Variants in FANCC observed in about 807,000 individuals in gnomAD.
FANCC encodes Fanconi anemia group C protein.
Under a neutral mutation model 71.3 loss-of-function variants are expected in FANCC, and 55 were observed. That is an observed-to-expected ratio of 0.77 (90% CI 0.62 to 0.97). The LOEUF (loss-of-function observed/expected upper bound fraction) is 0.97, where lower values mean the gene tolerates loss of function less well. Among genes scored for constraint, FANCC ranks in the 50% least tolerant of loss-of-function variants. The probability of loss-of-function intolerance (pLI) is 0.00; values close to 1 mark genes in which losing one functional copy is unlikely to be tolerated. For missense variants in FANCC, 678 were observed against 670.9 expected, an observed-to-expected ratio of 1.01 and a Z score of -0.12; for synonymous variants, 275 against 244.9, an observed-to-expected ratio of 1.12 and a Z score of -1.15.
At chr9:95,205,474 T>C (rs951264663) in intron 4 of FANCC, among the ~76,000 whole-genome samples, 1 of 151,816 alleles carries the variant, frequency 6.6e-6, no homozygotes. Context: ...CTTAAGGAAA[T>C]CCCTAGGGAA....
rs1321288017 is a variant in FANCC at position 95,101,511 on chromosome 9, G to A, written c.*196C>T. The A allele has an allele frequency of 1.5e-6, 1 of 667,246 alleles. No homozygotes were observed. The highest frequency in any genetic ancestry group is 2.6e-6 in the Non-Finnish European group (1 of 387,744). The allele number at this position is 667,246 out of a possible 1,614,324, so 41.3% of individuals were successfully genotyped here. On this transcript the variant is annotated 3_prime_UTR_variant, in exon 15 of 15. Coordinates refer to ENST00000289081, the MANE Select transcript of FANCC (RefSeq NM_000136.3). Reference sequence around the variant, plus strand: ...GAGTCATTAGTGAACATGTCTGACTGAGTCTGGGCTGAGGGACCTGGCTCT... The same window carrying A: ...GAGTCATTAGTGAACATGTCTGACTAAGTCTGGGCTGAGGGACCTGGCTCT...
rs1057516919 is a variant in FANCC at position 95,114,678 on chromosome 9, TCA to T, written c.1103_1104del (p.Leu368GlnfsTer5). The T allele has an allele frequency of 1.9e-6, 3 of 1,614,184 alleles. No homozygotes were observed. Among genetic ancestry groups the T allele is most frequent in the Non-Finnish European group, 8.5e-7 (1 of 1,179,994 alleles). ...DIPRGHWLQT[L>X]KHISELLREA... is the part of the protein sequence containing the mutation. ...TCTCTGAGCAGTTCAGAAATATGCTTCAGTGTCTGGAGCCAGTGTCCCCGAGG... is the reference window on the plus strand; with the variant it reads ...TCTCTGAGCAGTTCAGAAATATGCTTGTGTCTGGAGCCAGTGTCCCCGAGG... On this transcript the variant is annotated frameshift_variant, in exon 12 of 15. Coordinates refer to ENST00000289081, the MANE Select transcript of FANCC (RefSeq NM_000136.3). LOFTEE classifies it high-confidence loss of function.
At chr9:95,268,258 C>T (rs952222031) in intron 1 of FANCC, among the ~76,000 whole-genome samples, 11 of 152,164 alleles carry the variant, frequency 7.2e-5, no homozygotes, top group African/African-American at 2.7e-4. Context: ...TCTTCTTTGC[C>T]CACCACACTT....
Position 95,101,281 on chromosome 9 carries a change from T to G in FANCC, c.*426A>C. The G allele has an allele frequency of 3.3e-6, 1 of 306,926 alleles. No homozygotes were observed. Among genetic ancestry groups the G allele is most frequent in the Non-Finnish European group, 6.2e-6 (1 of 162,056 alleles). The allele number at this position is 306,926 out of a possible 1,614,324, so 19.0% of individuals were successfully genotyped here. A position where few individuals can be genotyped will look rare whatever the true frequency, so the allele number is the denominator to read the frequency against. On this transcript the variant is annotated 3_prime_UTR_variant, in exon 15 of 15. Transcript: ENST00000289081. ...CCAGATCCCTGACTCCTAAAAAGAG[T>G]CTAAAAAGAGCTAAGTTCTCTCTAA...
chr9:95,126,349 A>AT (rs1445153054), intron 9 of FANCC, among the ~76,000 whole-genome samples, 180 bp downstream of exon 9: 7 of 152,218 alleles, frequency 4.6e-5, no homozygotes, highest in African/African-American at 1.7e-4. Flanking sequence ...TGGCCTTTAA[A>AT]TTTACACTGA....
intron 4 of FANCC, among the ~76,000 whole-genome samples, chr9:95,184,517 G>A (rs1055162034): frequency 7.2e-5 from 11 of 152,000 alleles, no homozygotes; most frequent in African/African-American, 1.9e-4. Flanking sequence ...AAGAAGATTC[G>A]TGTTACAAAA....
chr9:95,273,758 G>C (rs1010921588), intron 1 of FANCC, among the ~76,000 whole-genome samples: 2 of 152,184 alleles, frequency 1.3e-5, no homozygotes, highest in Admixed American at 1.3e-4. Context: ...GATGTGATTG[G>C]CTCAATCCAG....
intron 4 of FANCC, among the ~76,000 whole-genome samples, chr9:95,183,104 C>G (rs1826479416): frequency 6.6e-6 from 1 of 152,160 alleles, no homozygotes; most frequent in Non-Finnish European, 1.5e-5. Context: ...ACCTCCAGAC[C>G]TTTTCCTTCT....
intron 8 of FANCC, among the ~76,000 whole-genome samples, chr9:95,131,196 C>T (rs1016966748): frequency 2.6e-5 from 4 of 152,130 alleles, no homozygotes; most frequent in Non-Finnish European, 4.4e-5. Flanking sequence ...TGTACTTTTG[C>T]GTCTTAAATT....
rs1298585280 is a variant in FANCC, at chr9:95,179,266, ACT to A, written c.346-7121_346-7120del. Among the ~76,000 whole-genome samples the A allele has an allele frequency of 3.9e-5, 6 of 152,244 alleles. No homozygotes were observed. The East Asian group carries it at 1.2e-3, about 29-fold the overall frequency. ...AATCTGTACTTTGTTAGAAATACAAACTCTCAGACAAAACCCTGACCTATTTT... is the reference window on the plus strand; with the variant it reads ...AATCTGTACTTTGTTAGAAATACAAACTCAGACAAAACCCTGACCTATTTT... On this transcript the variant is annotated intron_variant, in intron 4 of 14. Coordinates refer to ENST00000289081, the MANE Select transcript of FANCC (RefSeq NM_000136.3).
At chr9:95,277,986 C>A (rs931418547) in intron 1 of FANCC, among the ~76,000 whole-genome samples, 3 of 152,110 alleles carry the variant, frequency 2.0e-5, no homozygotes, top group Non-Finnish European at 2.9e-5. Context: ...CACATTTTTT[C>A]TCTCTTATTC....
intron 3 of FANCC, among the ~76,000 whole-genome samples, chr9:95,246,472 ATGCAATTAGTC>A (rs1279719614): frequency 6.6e-6 from 1 of 152,250 alleles, no homozygotes; most frequent in Non-Finnish European, 1.5e-5. Flanking sequence ...TCATTATATT[ATGCAATTAGTC>A]TTTGACTTTA....
chr9:95,117,723 A>AT (rs33935721), intron 10 of FANCC, among the ~76,000 whole-genome samples: 60,927 of 136,752 alleles, frequency 0.45, 13,600 homozygotes, highest in East Asian at 0.53. Context: ...GTATTTCAGC[A>AT]TTTTTTTTTT....
rs1007431749 is a variant in FANCC, at chr9:95,182,117, G to A, written c.346-9970C>T. Among the ~76,000 whole-genome samples the A allele has an allele frequency of 4.0e-5, 6 of 151,858 alleles. No individual in the cohort carries two copies. In the East Asian group the frequency reaches 5.8e-4, roughly 15 times the overall value. On this transcript the variant is annotated intron_variant, in intron 4 of 14. Transcript: ENST00000289081. The stretch of plus-strand genomic sequence containing the variant: ...GTATTCTCAAACTAAGACAGAGCAC[G>A]TATATTATGCTTCTCTAAACAATTT...
chr9:95,264,687 C>A (rs986859601), intron 1 of FANCC, among the ~76,000 whole-genome samples: 1 of 151,978 alleles, frequency 6.6e-6, no homozygotes, highest in Admixed American at 6.6e-5. Flanking sequence ...GGAGAGAATG[C>A]TACAAAACAC....
At chr9:95,191,212 T>C (rs989503273) in intron 4 of FANCC, among the ~76,000 whole-genome samples, 19 of 151,898 alleles carry the variant, frequency 1.3e-4, no homozygotes, top group African/African-American at 4.6e-4. Context: ...TCTGGGCAGG[T>C]CAACAGAAGA....
rs56134011 is a variant in FANCC, at chr9:95,168,743, C to T, written c.521+2336G>A. On this transcript the variant is annotated intron_variant, in intron 6 of 14. Transcript: ENST00000289081. ...GCGGTTTTGACATGTTGGCCAGGCT[C>T]GTCTTGAACTCCTGAAATCGGGTGA... 3.8e-3 allele frequency among the ~76,000 whole-genome samples: 573 copies of T among 152,234 alleles called. 1 individual carries two copies. The highest frequency in any genetic ancestry group is 0.013 in the African/African-American group (554 of 41,542).
intron 1 of FANCC, chr9:95,294,743 T>TG (rs1157922281): frequency 1.2e-6 from 2 of 1,601,028 alleles, no homozygotes; most frequent in Non-Finnish European, 1.7e-6. Context: ...TGGAACATGA[T>TG]GGAGTCTCAG....
At chr9:95,302,445 T>C (rs1363381570) in intron 1 of FANCC, among the ~76,000 whole-genome samples, 1 of 152,222 alleles carries the variant, frequency 6.6e-6, no homozygotes, top group African/African-American at 2.4e-5. Flanking sequence ...TGAGGATTCT[T>C]GAGAACAGTT....
Sources: gnomAD v4.1 joint callset for allele counts (sites outside exome capture counted in the v4.1 genomes callset) on GRCh38, gnomAD v4.1.1 for gene constraint, MANE v1.5 for transcripts, NCBI Gene and HGNC (gene_info 2026-07-23, HGNC 2026-07-21) for gene names.